ARHGAP26: variants seen among roughly 807,000 people sequenced by gnomAD.
The protein encoded by ARHGAP26 is Rho GTPase activating protein 26, also known as rho GTPase-activating protein 26.
In ARHGAP26, 38 loss-of-function variants were observed where a neutral mutation model predicts 104.8. That is an observed-to-expected ratio of 0.36 (90% CI 0.28 to 0.48). The LOEUF (loss-of-function observed/expected upper bound fraction) is 0.48, where lower values mean the gene tolerates loss of function less well. Ranked by LOEUF, ARHGAP26 falls within the 20% of genes least tolerant of loss-of-function variation. ARHGAP26 has a pLI of 0.99. For missense variants in ARHGAP26, 704 were observed against 947.9 expected (o/e 0.74, Z 3.38); for synonymous variants, 341 against 340.0 (o/e 1.00, Z -0.03).
chr5:143,123,821 A>C (rs1796409675), intron 18 of ARHGAP26, among the ~76,000 whole-genome samples: 2 of 152,200 alleles, frequency 1.3e-5, no homozygotes, highest in Admixed American at 1.3e-4. Flanking sequence ...GCACCACTGC[A>C]CTCCAACCTG....
intron 17 of ARHGAP26, among the ~76,000 whole-genome samples, chr5:143,086,918 C>T (rs569797472): frequency 6.6e-6 from 1 of 152,226 alleles, no homozygotes; most frequent in African/African-American, 2.4e-5. Flanking sequence ...CCGCCTACCC[C>T]CTACCTCCAC....
At chr5:142,933,269 A>G (rs1284247571) in intron 11 of ARHGAP26, among the ~76,000 whole-genome samples, 1 of 152,228 alleles carries the variant, frequency 6.6e-6, no homozygotes, top group Non-Finnish European at 1.5e-5. Flanking sequence ...TTTGTTGAGC[A>G]CATTTTTACA....
chr5:142,849,434 C>T (rs916900726), intron 1 of ARHGAP26, among the ~76,000 whole-genome samples: 2 of 152,330 alleles, frequency 1.3e-5, no homozygotes, highest in East Asian at 1.9e-4. Context: ...TTCAAACAGC[C>T]GCCGTGAGAT....
At position 143,011,091 on chromosome 5, in the gene ARHGAP26, T is replaced by C. The variant is rs1211108038; in HGVS notation, c.1108-2989T>C. ...TTGCTGCCCCTCTGCCCTATCCTTA[T>C]CTCCTACCCCTCTCTGCATTGCACT... On this transcript the variant is annotated intron_variant, in intron 11 of 22. Coordinates refer to ENST00000645722, the MANE Select transcript of ARHGAP26 (RefSeq NM_001135608.3). 4 of 152,444 alleles carry C rather than the reference T, an allele frequency of 2.6e-5. No individual in the cohort carries two copies. In the East Asian group the frequency reaches 7.7e-4, roughly 29 times the overall value. 9.4% of individuals were successfully genotyped at this position (152,444 alleles called of 1,614,324 possible).
At chr5:142,948,586 A>G (rs969711053) in intron 11 of ARHGAP26, among the ~76,000 whole-genome samples, 2 of 151,540 alleles carry the variant, frequency 1.3e-5, no homozygotes, top group African/African-American at 2.4e-5. Context: ...CTACTTATTG[A>G]TAGTTAACAA....
At chr5:142,950,660 A>G (rs912326019) in intron 11 of ARHGAP26, among the ~76,000 whole-genome samples, 3 of 152,366 alleles carry the variant, frequency 2.0e-5, no homozygotes, top group East Asian at 3.9e-4. Flanking sequence ...CCTCAAGGTC[A>G]TAAGAAGTTC....
chr5:143,032,944 A>G (rs1342001231), intron 12 of ARHGAP26, among the ~76,000 whole-genome samples: 1 of 152,224 alleles, frequency 6.6e-6, no homozygotes, highest in African/African-American at 2.4e-5. Flanking sequence ...GGTTTAGAGC[A>G]GTGGTTGATA....
At chr5:143,105,661 G>A (rs1207242824) in intron 17 of ARHGAP26, among the ~76,000 whole-genome samples, 1 of 152,156 alleles carries the variant, frequency 6.6e-6, no homozygotes, top group Non-Finnish European at 1.5e-5. Flanking sequence ...TAGCCTTGCA[G>A]CACTGTGTTC....
intron 11 of ARHGAP26, among the ~76,000 whole-genome samples, chr5:142,999,110 A>G (rs1776840755): frequency 6.6e-6 from 1 of 152,196 alleles, no homozygotes; most frequent in Admixed American, 6.5e-5. Flanking sequence ...GGTTTGTTTC[A>G]GGCCCCCCTT....
At chr5:143,115,331 C>G (rs574236777) in intron 17 of ARHGAP26, among the ~76,000 whole-genome samples, 6 of 136,184 alleles carry the variant, frequency 4.4e-5, no homozygotes, top group African/African-American at 1.5e-4. Flanking sequence ...GAAACTTAAT[C>G]TCAAAAACAA....
rs1034012576 is a variant in ARHGAP26 at position 143,225,796 on chromosome 5, C to T, written c.*3350C>T. 1.3e-5 allele frequency: 3 copies of T among 230,152 alleles called. No homozygotes were observed. The highest frequency in any genetic ancestry group is 4.4e-5 in the African/African-American group (2 of 45,106). 14.3% of individuals were successfully genotyped at this position (230,152 alleles called of 1,614,324 possible). The stretch of plus-strand genomic sequence containing the variant: ...TTCAGGTACCCCCTCCCCAGCTTCC[C>T]TGTGGCTGTGCGGTGCCCTTGACAG... On this transcript the variant is annotated 3_prime_UTR_variant, in exon 23 of 23. Coordinates refer to ENST00000645722, the MANE Select transcript of ARHGAP26 (RefSeq NM_001135608.3).
At chr5:142,988,809 G>C (rs948399207) in intron 11 of ARHGAP26, among the ~76,000 whole-genome samples, 18 of 152,334 alleles carry the variant, frequency 1.2e-4, no homozygotes, top group African/African-American at 3.6e-4. Flanking sequence ...TTTTGAGTGA[G>C]TTTCTTAATC....
intron 14 of ARHGAP26, among the ~76,000 whole-genome samples, chr5:143,046,142 A>G (rs1784207388): frequency 6.6e-6 from 1 of 151,640 alleles, no homozygotes; most frequent in African/African-American, 2.4e-5. Flanking sequence ...CCCCAAAAAT[A>G]AAAAATACAA....
intron 1 of ARHGAP26, among the ~76,000 whole-genome samples, chr5:142,792,792 C>T (rs1466373098): frequency 2.0e-5 from 3 of 152,162 alleles, no homozygotes; most frequent in Non-Finnish European, 4.4e-5. Flanking sequence ...GCCTGTGTTT[C>T]CCTGATGTGC....
In ARHGAP26 at chr5:143,185,414, A is replaced by C. The variant is rs202196836; in HGVS notation, c.1989-21784A>C. 5.3e-5 allele frequency among the ~76,000 whole-genome samples: 8 copies of C among 152,350 alleles called. No homozygotes were observed. In the East Asian group the frequency reaches 1.5e-3, roughly 29 times the overall value. On this transcript the variant is annotated intron_variant, in intron 20 of 22. Coordinates refer to ENST00000645722, the MANE Select transcript of ARHGAP26 (RefSeq NM_001135608.3). The stretch of plus-strand genomic sequence containing the variant: ...AACAAAGTTTCTTTCTGTATTAAGA[A>C]AAAATTTCTGCATTAAAAATATATG...
chr5:142,919,763 G>A (rs1205527801), intron 10 of ARHGAP26, among the ~76,000 whole-genome samples: 8 of 152,092 alleles, frequency 5.3e-5, no homozygotes, highest in Non-Finnish European at 1.0e-4. Flanking sequence ...TTGGGAGGCC[G>A]AGGCAAGTGG....
At chr5:143,002,009 A>G (rs1244074010) in intron 11 of ARHGAP26, among the ~76,000 whole-genome samples, 2 of 152,194 alleles carry the variant, frequency 1.3e-5, no homozygotes, top group Non-Finnish European at 2.9e-5. Context: ...GTGTTGGATA[A>G]CATAACATTC....
chr5:142,940,595 C>G (rs1766109847), intron 11 of ARHGAP26, among the ~76,000 whole-genome samples: 1 of 152,174 alleles, frequency 6.6e-6, no homozygotes. Flanking sequence ...ATAATGACCT[C>G]TAACTCCATC....
At chr5:142,836,459 G>C (rs1398633854) in intron 1 of ARHGAP26, among the ~76,000 whole-genome samples, 1 of 150,190 alleles carries the variant, frequency 6.7e-6, no homozygotes, top group Non-Finnish European at 1.5e-5. Flanking sequence ...GACCACCTAT[G>C]CTAATTAGAC....
Sources: gnomAD v4.1 joint callset for allele counts (sites outside exome capture counted in the v4.1 genomes callset) on GRCh38, gnomAD v4.1.1 for gene constraint, MANE v1.5 for transcripts, NCBI Gene and HGNC (gene_info 2026-07-23, HGNC 2026-07-21) for gene names.